The following ADAM18 variants were observed in gnomAD, a reference collection of about 807,000 sequenced individuals.
The protein encoded by ADAM18 is ADAM metallopeptidase domain 18, also known as disintegrin and metalloproteinase domain-containing protein 18.
Under a neutral mutation model 94.4 loss-of-function variants are expected in ADAM18, and 117 were observed. The ratio of observed to expected loss-of-function variants is 1.24; its 90% CI spans 1.07 to 1.45. The LOEUF is 1.45. ADAM18 is among the 40% of genes most tolerant of loss of function. The pLI is 0.00. For missense variants in ADAM18, 936 were observed against 880.0 expected (o/e 1.06, Z -0.81); for synonymous variants, 327 against 291.6 (o/e 1.12, Z -1.24).
intron 18 of ADAM18, 77 bp from the exon 19 acceptor site, chr8:39,723,671 A>G (rs1785260182): frequency 9.1e-7 from 1 of 1,093,798 alleles, no homozygotes; most frequent in Non-Finnish European, 1.2e-6. Context: ...ATACACGTAT[A>G]TGATTAAGTG....
At chr8:39,591,701 T>C (rs1464720738) in intron 2 of ADAM18, among the ~76,000 whole-genome samples, 1 of 152,232 alleles carries the variant, frequency 6.6e-6, no homozygotes, top group Non-Finnish European at 1.5e-5. Context: ...CCTGTTAGTG[T>C]TGATATCTTA....
intron 2 of ADAM18, among the ~76,000 whole-genome samples, chr8:39,590,611 T>C (rs545583830): frequency 1.3e-5 from 2 of 152,250 alleles, no homozygotes; most frequent in South Asian, 4.2e-4. Flanking sequence ...ATAAAAAAAA[T>C]AAAATGAATG....
chr8:39,619,617 A>G (rs1819548566), intron 6 of ADAM18, among the ~76,000 whole-genome samples: 1 of 152,170 alleles, frequency 6.6e-6, no homozygotes, highest in Non-Finnish European at 1.5e-5. Flanking sequence ...CTGATAAAGA[A>G]TTCAAGAAAA....
At chr8:39,634,240 G>T (rs910915593) in intron 7 of ADAM18, among the ~76,000 whole-genome samples, 2 of 152,078 alleles carry the variant, frequency 1.3e-5, no homozygotes, top group Non-Finnish European at 2.9e-5. Context: ...TGTCCACCTG[G>T]TGCTAACTCT....
intron 3 of ADAM18, 92 bp from the exon 4 acceptor site, chr8:39,608,950 A>C: frequency 2.7e-6 from 2 of 748,124 alleles, no homozygotes; most frequent in Non-Finnish European, 4.4e-6. Context: ...AAAGCTAATT[A>C]AATCGTGTTA....
intron 17 of ADAM18, among the ~76,000 whole-genome samples, chr8:39,694,145 A>G (rs975773979): frequency 6.6e-6 from 1 of 151,402 alleles, no homozygotes; most frequent in East Asian, 1.9e-4. Flanking sequence ...ATGATTCAAT[A>G]TAAGTGGTAG....
At chr8:39,705,880 G>A (rs1312139311) in intron 17 of ADAM18, among the ~76,000 whole-genome samples, 1 of 152,072 alleles carries the variant, frequency 6.6e-6, no homozygotes, top group African/African-American at 2.4e-5. Context: ...ATACAGGTAT[G>A]AGAAGAAGTT....
intron 16 of ADAM18, among the ~76,000 whole-genome samples, chr8:39,690,699 C>T (rs1328835233): frequency 1.3e-5 from 2 of 152,144 alleles, no homozygotes; most frequent in Admixed American, 6.5e-5. Flanking sequence ...TTGTTATTCT[C>T]TCCCCACCAA....
chr8:39,587,848 T>C (rs554944062), intron 2 of ADAM18, among the ~76,000 whole-genome samples: 3 of 152,238 alleles, frequency 2.0e-5, no homozygotes, highest in Admixed American at 6.5e-5. Context: ...TGTGGGTTCA[T>C]TCACGTCTCA....
intron 6 of ADAM18, among the ~76,000 whole-genome samples, chr8:39,623,584 G>GTTTTT (rs548625927): frequency 6.6e-6 from 1 of 150,720 alleles, no homozygotes; most frequent in East Asian, 1.9e-4. Flanking sequence ...TTTTTTGTTT[G>GTTTTT]TTTTTTTGTT....
intron 6 of ADAM18, among the ~76,000 whole-genome samples, chr8:39,612,200 C>G (rs566320296): frequency 4.6e-5 from 7 of 150,600 alleles, no homozygotes; most frequent in African/African-American, 1.5e-4. Context: ...TTATCTCCCA[C>G]CGGAAAACCA....
In ADAM18 at chr8:39,675,317, G is replaced by A. The variant is rs183944058; in HGVS notation, c.1526-2114G>A. Among the ~76,000 whole-genome samples, 13 of 152,078 alleles carry A rather than the reference G, an allele frequency of 8.5e-5. No homozygotes were observed. The East Asian group carries it at 9.7e-4, about 11-fold the overall frequency. On this transcript the variant is annotated intron_variant, in intron 14 of 19. Transcript: ENST00000265707. ...CCCATATTTCTTGGAGGCTTTGTTC[G>A]TTTCTTTTTACTCTTTTTTCTCTAA...
rs775398423 is a variant in ADAM18, at chr8:39,668,131, C to A, written c.1460C>A (p.Thr487Asn). 3 of 1,614,108 alleles carry A rather than the reference C, an allele frequency of 1.9e-6. No homozygotes were observed. The highest frequency in any genetic ancestry group is 2.5e-6 in the Non-Finnish European group (3 of 1,180,002). The change falls in exon 14 of 20, where the codon ACT becomes AAT. Residue 487 changes from threonine to asparagine, a missense_variant. Coordinates refer to ENST00000265707, the MANE Select transcript of ADAM18 (RefSeq NM_014237.3). ...ALNGRLCKLG[T>N]AYCYNGQCQT... is the part of the protein sequence containing the mutation. ...AATGGCCGTTTGTGCAAGTTGGGAACTGCCTATTGCTATAACGGACAATGT... is the reference window on the plus strand; with the variant it reads ...AATGGCCGTTTGTGCAAGTTGGGAAATGCCTATTGCTATAACGGACAATGT...
intron 18 of ADAM18, among the ~76,000 whole-genome samples, chr8:39,709,617 A>G (rs900215343): frequency 6.6e-6 from 1 of 152,140 alleles, no homozygotes; most frequent in East Asian, 1.9e-4. Flanking sequence ...TCATTCATAC[A>G]TTCCCTCCAC....
intron 7 of ADAM18, among the ~76,000 whole-genome samples, chr8:39,634,021 C>T (rs375961113): frequency 9.2e-5 from 14 of 152,192 alleles, no homozygotes; most frequent in African/African-American, 3.4e-4. Context: ...ATTACAAGCC[C>T]AGAGTGCTGG....
At chr8:39,620,375 C>CAAAAAAAAAAAAAAAAAAAAAAAACCA (rs376218269) in intron 6 of ADAM18, among the ~76,000 whole-genome samples, 1 of 88,794 alleles carries the variant, frequency 1.1e-5, no homozygotes, top group African/African-American at 5.1e-5. Context: ...AAAAAAAAAA[C>CAAAAAAAAAAAAAAAAAAAAAAAACCA]AAAAAAAAAT....
chr8:39,701,987 C>G (rs1032109401), intron 17 of ADAM18, among the ~76,000 whole-genome samples: 1 of 152,124 alleles, frequency 6.6e-6, no homozygotes, highest in African/African-American at 2.4e-5. Context: ...GAGTTACATT[C>G]CTTTGGGTAT....
At chr8:39,610,844 T>A in intron 6 of ADAM18, 138 bp downstream of exon 6, 3 of 1,280,526 alleles carry the variant, frequency 2.3e-6, no homozygotes, top group Non-Finnish European at 3.0e-6. Context: ...AAATAAAACA[T>A]TGAAACTTCA....
chr8:39,638,906 C>A (rs1245753613), intron 10 of ADAM18, among the ~76,000 whole-genome samples: 2 of 151,738 alleles, frequency 1.3e-5, no homozygotes, highest in Admixed American at 1.3e-4. Context: ...TTTGTGCTTG[C>A]AATTTTACAC....
Sources: gnomAD v4.1 joint callset for allele counts (sites outside exome capture counted in the v4.1 genomes callset) on GRCh38, gnomAD v4.1.1 for gene constraint, MANE v1.5 for transcripts, NCBI Gene and HGNC (gene_info 2026-07-23, HGNC 2026-07-21) for gene names.